The following CFAP54 variants were observed in gnomAD, a reference collection of about 807,000 sequenced individuals.
CFAP54 encodes cilia and flagella associated protein 54.
CFAP54 carries 290 observed loss-of-function variants against 370.4 expected under a neutral mutation model. The observed-to-expected ratio is 0.78, with a 90% CI of 0.71 to 0.86. The LOEUF (loss-of-function observed/expected upper bound fraction) is 0.86. Among genes scored for constraint, CFAP54 ranks in the 40% least tolerant of loss-of-function variants. CFAP54 has a pLI of 0.00. For missense variants in CFAP54, 3,399 were observed against 3,528.7 expected (o/e 0.96, Z 0.93); for synonymous variants, 1,206 against 1,236.5 (o/e 0.98, Z 0.52).
At chr12:96,722,671 T>C (rs925158165) in intron 50 of CFAP54, among the ~76,000 whole-genome samples, 1 of 152,116 alleles carries the variant, frequency 6.6e-6, no homozygotes, top group African/African-American at 2.4e-5. Flanking sequence ...AGTGTGAGAA[T>C]TGATTATAAG....
At chr12:96,598,846 A>G (rs1956208107) in intron 26 of CFAP54, 79 bp downstream of exon 26, 1 of 406,970 alleles carries the variant, frequency 2.5e-6, no homozygotes, top group Non-Finnish European at 4.3e-6. Flanking sequence ...TAATCACAAT[A>G]AGAACACTTT....
At chr12:96,679,249 G>A (rs1267369052) in intron 39 of CFAP54, among the ~76,000 whole-genome samples, 1 of 151,996 alleles carries the variant, frequency 6.6e-6, no homozygotes, top group Non-Finnish European at 1.5e-5. Flanking sequence ...CTTTCCCAAG[G>A]CACCTTTGCT....
chr12:96,566,546 T>C (rs780634094), intron 19 of CFAP54, among the ~76,000 whole-genome samples: 1 of 152,088 alleles, frequency 6.6e-6, no homozygotes, highest in African/African-American at 2.4e-5. Context: ...AAAACGTGGA[T>C]ACAGATTGAG....
In CFAP54 at chr12:96,826,141, C is replaced by T. The variant is rs535896091; in HGVS notation, c.9097-2873C>T. Among the ~76,000 whole-genome samples, 8 of 144,880 alleles carry T rather than the reference C, an allele frequency of 5.5e-5. No individual in the cohort carries two copies. In the South Asian group the frequency reaches 1.5e-3, roughly 27 times the overall value. ...ATAACTAAGCAATACTGGTTAAAAC[C>T]TTGAAATAAAAAAGCAAACAACACC... is the stretch of plus-strand genomic sequence containing the variant. On this transcript the variant is annotated intron_variant, in intron 65 of 67. Coordinates refer to ENST00000524981, the MANE Select transcript of CFAP54 (RefSeq NM_001306084.2).
At position 96,792,480 on chromosome 12, in the gene CFAP54, C is replaced by T; in HGVS notation, c.8831C>T (p.Pro2944Leu). ...TACATTCCTCCCCTGGATAGACCTC[C>T]CAAGGAGACAGAACCTATGGTATGT... ...QWYIPPLDRP[P>L]KETEPMVLLL... is the part of the protein sequence containing the mutation. The change falls in exon 63 of 68, where the codon CCC becomes CTC. Residue 2944 changes from proline to leucine, a missense_variant. Physicochemically the swap from Pro to Leu is moderately conservative, Grantham distance 98 (BLOSUM62 -3). Transcript: ENST00000524981. The T allele has an allele frequency of 3.9e-6, 6 of 1,534,966 alleles. No individual in the cohort carries two copies. The highest frequency in any genetic ancestry group is 5.2e-6 in the Non-Finnish European group (6 of 1,146,308).
chr12:96,621,883 T>G (rs973946908), intron 27 of CFAP54, among the ~76,000 whole-genome samples, 162 bp downstream of exon 27: 15 of 127,628 alleles, frequency 1.2e-4, no homozygotes, highest in South Asian at 5.7e-4. Flanking sequence ...TTGTTTTTTT[T>G]TTTTTTTTTT....
At chr12:96,645,995 C>A (rs1956785625) in intron 33 of CFAP54, 1 of 152,122 alleles carries the variant, frequency 6.6e-6, no homozygotes, top group African/African-American at 2.4e-5. Flanking sequence ...ACCATAAAAA[C>A]CCTAGAAGAA....
At chr12:96,703,322 C>T (rs1200766620) in intron 46 of CFAP54, among the ~76,000 whole-genome samples, 3 of 152,130 alleles carry the variant, frequency 2.0e-5, no homozygotes, top group Non-Finnish European at 4.4e-5. Context: ...CTGGGTAGAA[C>T]ACTTCTGTTC....
intron 17 of CFAP54, 50 bp from the exon 18 acceptor site, chr12:96,564,418 C>T (rs962598952): frequency 4.7e-6 from 3 of 636,638 alleles, no homozygotes; most frequent in African/African-American, 3.7e-5. Context: ...AAAAATATTT[C>T]CTCTCTTGGA....
intron 1 of CFAP54, among the ~76,000 whole-genome samples, chr12:96,492,857 G>A (rs2136340484): frequency 6.6e-6 from 1 of 152,186 alleles, no homozygotes; most frequent in East Asian, 1.9e-4. Flanking sequence ...AGCCGGGCGT[G>A]GTGGTGTGTG....
chr12:96,584,423 C>T (rs544627140), intron 22 of CFAP54, among the ~76,000 whole-genome samples: 2 of 152,242 alleles, frequency 1.3e-5, no homozygotes, highest in Admixed American at 6.5e-5. Flanking sequence ...AAGATTATGC[C>T]ACTGCATTTC....
intron 44 of CFAP54, among the ~76,000 whole-genome samples, chr12:96,693,281 A>G (rs1957405230): frequency 6.6e-6 from 1 of 152,230 alleles, no homozygotes; most frequent in South Asian, 2.1e-4. Flanking sequence ...TGGCATTGAA[A>G]TGAATAAGTA....
At position 96,742,228 on chromosome 12, in the gene CFAP54, A is replaced by G. The variant is rs1958059284; in HGVS notation, c.7072-211A>G. Among the ~76,000 whole-genome samples, 4 of 152,348 alleles carry G rather than the reference A, an allele frequency of 2.6e-5. No individual in the cohort carries two copies. The South Asian group carries it at 8.3e-4, about 32-fold the overall frequency. ...AAGGAAAGCTGAAAAGCAGTATGCT[A>G]AAATGTTAATAGAGGATTTCTGGAT... On this transcript the variant is annotated intron_variant, in intron 51 of 67. Coordinates refer to ENST00000524981, the MANE Select transcript of CFAP54 (RefSeq NM_001306084.2).
chr12:96,651,557 T>G, intron 35 of CFAP54, 31 bp from the exon 36 acceptor site: 1 of 1,572,016 alleles, frequency 6.4e-7, no homozygotes, highest in South Asian at 1.1e-5. Context: ...TTTGGAACTT[T>G]GGGATCTTTT....
chr12:96,756,302 G>A (rs893889945), intron 56 of CFAP54, among the ~76,000 whole-genome samples, 156 bp from the exon 57 acceptor site: 1 of 152,174 alleles, frequency 6.6e-6, no homozygotes, highest in Non-Finnish European at 1.5e-5. Context: ...GGAGGCAATG[G>A]ATCTTTCCTC....
intron 54 of CFAP54, 31 bp from the exon 55 acceptor site, chr12:96,743,989 T>G (rs935051894): frequency 6.2e-7 from 1 of 1,603,820 alleles, no homozygotes; most frequent in Admixed American, 1.7e-5. Flanking sequence ...CGTCAACTAA[T>G]TGCTCATTAC....
chr12:96,691,091 C>T, intron 43 of CFAP54, 37 bp from the exon 44 acceptor site: 2 of 1,579,274 alleles, frequency 1.3e-6, no homozygotes, highest in Non-Finnish European at 8.7e-7. Context: ...AAAATGCTAT[C>T]TATAGCTCTT....
At chr12:96,729,812 T>G (rs138397972) in intron 50 of CFAP54, among the ~76,000 whole-genome samples, 142 of 152,284 alleles carry the variant, frequency 9.3e-4, no homozygotes, top group African/African-American at 3.0e-3. Context: ...CCGGAGCTGT[T>G]CCTATTTGGC....
Position 96,658,042 on chromosome 12 carries a change from T to C in CFAP54, c.5261T>C (p.Leu1754Ser), listed in dbSNP as rs563730448. 9.3e-6 allele frequency: 15 copies of C among 1,614,070 alleles called. No individual in the cohort carries two copies. In the East Asian group the frequency reaches 2.9e-4, roughly 31 times the overall value. Residue 1754 changes from leucine to serine, a missense_variant, in exon 37 of 68, where the codon TTA (leucine) becomes TCA (serine). Physicochemically the swap from Leu to Ser is moderately radical, Grantham distance 145 (BLOSUM62 -2). This residue lies in a region of CFAP54 where 2,796 missense variants were observed against 2,869.7 expected (regional missense o/e 0.97). Transcript: ENST00000524981. The part of the protein sequence containing the change: ...HDFVLKSLEV[L>S]YQVEKWETLV... ...TTTGTATTAAAATCTCTGGAAGTTT[T>C]ATATCAAGTGGAAAAATGGGAAACA...
Sources: allele counts gnomAD v4.1 joint callset (sites outside exome capture counted in the v4.1 genomes callset), GRCh38; gene constraint gnomAD v4.1.1; regional missense constraint gnomAD v4.1.1; transcripts MANE v1.5; gene names NCBI Gene and HGNC (gene_info 2026-07-23, HGNC 2026-07-21).